Variants in GPC6 observed in about 807,000 individuals in gnomAD.
GPC6 encodes the protein glypican 6, also known as glypican-6.
In GPC6, 14 loss-of-function variants were observed where a neutral mutation model predicts 55.2. The ratio of observed to expected loss-of-function variants is 0.25; its 90% confidence interval spans 0.17 to 0.40. GPC6 has a LOEUF of 0.40. GPC6 is among the 10% of genes least tolerant of loss of function. GPC6 has a pLI of 1.00. For synonymous variants in GPC6, 278 were observed against 259.6 expected, an observed-to-expected ratio of 1.07 and a Z score of -0.68; for missense variants, 641 against 708.5, an observed-to-expected ratio of 0.90 and a Z score of 1.08.
intron 5 of GPC6, among the ~76,000 whole-genome samples, chr13:94,303,303 T>A (rs1303247868): frequency 6.6e-6 from 1 of 152,090 alleles, no homozygotes; most frequent in Non-Finnish European, 1.5e-5. Context: ...GCTATTTCTT[T>A]ACCTCCTGTT....
chr13:93,783,035 A>T (rs541769221), intron 2 of GPC6, among the ~76,000 whole-genome samples: 1 of 152,216 alleles, frequency 6.6e-6, no homozygotes, highest in African/African-American at 2.4e-5. Flanking sequence ...ATGTGTTCTC[A>T]TTGTTAAGCT....
Position 93,557,275 on chromosome 13 carries a change from A to G in GPC6, c.319+11854A>G, listed in dbSNP as rs535009484. On this transcript the variant is annotated intron_variant, in intron 2 of 8. Coordinates refer to ENST00000377047, the MANE Select transcript of GPC6 (RefSeq NM_005708.5). ...ATTCCCTCCACACATACTTTATGATATTTTGTCAGTACAACTTCGGACTGC... is the reference window on the plus strand; with the variant it reads ...ATTCCCTCCACACATACTTTATGATGTTTTGTCAGTACAACTTCGGACTGC... 3.3e-5 allele frequency among the ~76,000 whole-genome samples: 5 copies of G among 152,222 alleles called. No individual in the cohort carries two copies. The South Asian group carries it at 1.0e-3, about 32-fold the overall frequency.
chr13:93,283,427 T>A (rs941156798), intron 1 of GPC6, among the ~76,000 whole-genome samples: 1 of 152,230 alleles, frequency 6.6e-6, no homozygotes, highest in Non-Finnish European at 1.5e-5. Flanking sequence ...TACTACGGGC[T>A]GCTATCAGTA....
At chr13:93,756,432 C>T (rs529506940) in intron 2 of GPC6, among the ~76,000 whole-genome samples, 37 of 152,332 alleles carry the variant, frequency 2.4e-4, no homozygotes, top group Non-Finnish European at 4.7e-4. Flanking sequence ...CAGAGGCCAT[C>T]TACAGAGCTG....
intron 2 of GPC6, among the ~76,000 whole-genome samples, chr13:93,578,705 CT>C (rs1566433080): frequency 6.6e-6 from 1 of 150,410 alleles, no homozygotes; most frequent in Non-Finnish European, 1.5e-5. Context: ...ATCTTTATTA[CT>C]TTTTTTCCTT....
chr13:94,022,621 A>G (rs1481439297), intron 3 of GPC6, among the ~76,000 whole-genome samples: 2 of 151,972 alleles, frequency 1.3e-5, no homozygotes, highest in Non-Finnish European at 1.5e-5. Context: ...GGATTACTGG[A>G]CTTTATACTG....
chr13:94,014,135 A>G (rs78210090), intron 3 of GPC6, among the ~76,000 whole-genome samples: 2,580 of 152,202 alleles, frequency 0.017, 77 homozygotes, highest in African/African-American at 0.057. Context: ...CAAGATGGAG[A>G]AAAGATAGTT....
At chr13:94,222,639 A>T (rs910189764) in intron 4 of GPC6, among the ~76,000 whole-genome samples, 1 of 152,164 alleles carries the variant, frequency 6.6e-6, no homozygotes, top group South Asian at 2.1e-4. Context: ...TTCTAGATGT[A>T]TGTCTCACCT....
chr13:94,038,837 A>C (rs985077949), intron 4 of GPC6, among the ~76,000 whole-genome samples: 1 of 151,950 alleles, frequency 6.6e-6, no homozygotes, highest in African/African-American at 2.4e-5. Context: ...CACCAGAAAC[A>C]TGTAAGCCAA....
intron 3 of GPC6, among the ~76,000 whole-genome samples, chr13:93,889,808 T>C (rs1271108691): frequency 6.6e-6 from 1 of 152,120 alleles, no homozygotes; most frequent in African/African-American, 2.4e-5. Context: ...TATGGCCATA[T>C]GGAGTCACTC....
intron 1 of GPC6, among the ~76,000 whole-genome samples, chr13:93,272,796 C>T (rs1324444639): frequency 1.3e-5 from 2 of 152,106 alleles, no homozygotes; most frequent in Non-Finnish European, 2.9e-5. Flanking sequence ...CCCTCTATGC[C>T]TGTGCCTATC....
At chr13:93,772,506 G>T (rs1414164035) in intron 2 of GPC6, among the ~76,000 whole-genome samples, 1 of 151,988 alleles carries the variant, frequency 6.6e-6, no homozygotes, top group Admixed American at 6.6e-5. Context: ...CTTGTGATGA[G>T]CAGAGAGGCA....
At chr13:93,806,685 G>T (rs896507171) in intron 2 of GPC6, among the ~76,000 whole-genome samples, 3 of 152,132 alleles carry the variant, frequency 2.0e-5, no homozygotes, top group African/African-American at 7.2e-5. Context: ...TCTAGGTTTT[G>T]CTTAAATTCC....
intron 4 of GPC6, among the ~76,000 whole-genome samples, chr13:94,156,182 C>T (rs1183133896): frequency 6.6e-6 from 1 of 152,018 alleles, no homozygotes; most frequent in East Asian, 1.9e-4. Context: ...ACAGGGTAAA[C>T]TTAAGTAAGA....
intron 1 of GPC6, among the ~76,000 whole-genome samples, chr13:93,263,377 T>A (rs1379711241): frequency 1.3e-5 from 2 of 152,282 alleles, no homozygotes; most frequent in East Asian, 1.9e-4. Flanking sequence ...TTTTTGTTTT[T>A]TTCTGAGATG....
intron 3 of GPC6, among the ~76,000 whole-genome samples, chr13:93,902,524 G>A (rs1179925102): frequency 1.3e-5 from 2 of 152,082 alleles, no homozygotes; most frequent in African/African-American, 4.8e-5. Context: ...AAACATGGAG[G>A]TACAGGTATC....
chr13:93,252,016 C>T (rs1876801658), intron 1 of GPC6, among the ~76,000 whole-genome samples: 1 of 152,054 alleles, frequency 6.6e-6, no homozygotes, highest in East Asian at 1.9e-4. Flanking sequence ...TGATAAGTTG[C>T]TTTGATTATT....
At chr13:93,850,947 A>G (rs1041275435) in intron 3 of GPC6, among the ~76,000 whole-genome samples, 7 of 151,906 alleles carry the variant, frequency 4.6e-5, no homozygotes, top group African/African-American at 7.2e-5. Flanking sequence ...TCTGCCTTGG[A>G]AGGGGTTGGC....
At chr13:94,254,533 GATA>G (rs951464745) in intron 4 of GPC6, among the ~76,000 whole-genome samples, 4 of 151,912 alleles carry the variant, frequency 2.6e-5, no homozygotes, top group East Asian at 1.9e-4. Flanking sequence ...TTAATATAAT[GATA>G]ATAATAAAAA....
Sources: allele counts gnomAD v4.1 joint callset (sites outside exome capture counted in the v4.1 genomes callset), GRCh38; gene constraint gnomAD v4.1.1; transcripts MANE v1.5; gene names NCBI Gene and HGNC (gene_info 2026-07-23, HGNC 2026-07-21).